THEMIS: variants seen among roughly 807,000 people sequenced by gnomAD.
THEMIS encodes protein THEMIS.
In THEMIS, 37 loss-of-function variants were observed where a neutral mutation model predicts 52.6. That is an observed-to-expected ratio of 0.70 (90% CI 0.54 to 0.93). The LOEUF is 0.93. THEMIS is among the 40% of genes least tolerant of loss of function. The pLI is 0.00. For synonymous variants in THEMIS, 292 were observed against 272.7 expected (o/e 1.07, Z -0.70); for missense variants, 808 against 763.1 (o/e 1.06, Z -0.69).
chr6:127,697,804 T>C, the THEMIS span, among the ~76,000 whole-genome samples: 9 of 152,198 alleles, frequency 5.9e-5, no homozygotes, highest in Admixed American at 4.6e-4. Flanking sequence ...CTGCCACTTC[T>C]AGAGCCCCTT....
intron 4 of THEMIS, among the ~76,000 whole-genome samples, chr6:127,741,331 T>C (rs1775195327): frequency 1.3e-5 from 2 of 152,228 alleles, no homozygotes; most frequent in South Asian, 2.1e-4. Flanking sequence ...TTGATGTCTC[T>C]TCTGATCTTG....
At chr6:127,736,851 CAAAAAAA>C (rs3057968) in intron 4 of THEMIS, among the ~76,000 whole-genome samples, 10 of 104,878 alleles carry the variant, frequency 9.5e-5, no homozygotes, top group African/African-American at 3.8e-4. Context: ...ACCAAATGAT[CAAAAAAA>C]AAAAAAAAAG....
chr6:127,755,327 C>T (rs1032266209), intron 4 of THEMIS, among the ~76,000 whole-genome samples: 4 of 152,016 alleles, frequency 2.6e-5, no homozygotes, highest in African/African-American at 9.7e-5. Context: ...GGCTTCCCAG[C>T]CTAAAGAAGC....
At chr6:127,820,880 G>A (rs572496011) in intron 3 of THEMIS, among the ~76,000 whole-genome samples, 1 of 151,748 alleles carries the variant, frequency 6.6e-6, no homozygotes, top group African/African-American at 2.4e-5. Context: ...TTTGCTTAAG[G>A]TTACCTAGAA....
chr6:127,824,174 C>T (rs1016411050), intron 3 of THEMIS, among the ~76,000 whole-genome samples: 2 of 152,144 alleles, frequency 1.3e-5, no homozygotes, highest in African/African-American at 4.8e-5. Context: ...CCACCTCTCC[C>T]TCTGCAGGAA....
At chr6:127,910,619 T>A (rs1279474778) in intron 1 of THEMIS, among the ~76,000 whole-genome samples, 1 of 152,122 alleles carries the variant, frequency 6.6e-6, no homozygotes, top group Non-Finnish European at 1.5e-5. Flanking sequence ...ACAGCAACCA[T>A]AATTTTTTAA....
intron 4 of THEMIS, among the ~76,000 whole-genome samples, chr6:127,789,610 A>G (rs1210582098): frequency 6.6e-6 from 1 of 152,154 alleles, no homozygotes; most frequent in Non-Finnish European, 1.5e-5. Context: ...GATGAACATC[A>G]ATACAAAAAT....
At chr6:127,898,289 C>T (rs894788439) in intron 1 of THEMIS, among the ~76,000 whole-genome samples, 1 of 85,416 alleles carries the variant, frequency 1.2e-5, no homozygotes, top group African/African-American at 5.6e-5. Context: ...AGAAGATGGT[C>T]TGGACACATA....
chr6:127,901,786 G>A (rs1477035679), upstream of THEMIS, among the ~76,000 whole-genome samples: 1 of 152,008 alleles, frequency 6.6e-6, no homozygotes, highest in Non-Finnish European at 1.5e-5. Context: ...ACTAAATGGA[G>A]ATGAAGTAGA....
intron 1 of THEMIS, among the ~76,000 whole-genome samples, chr6:127,866,613 T>C (rs1207695686): frequency 6.6e-6 from 1 of 152,018 alleles, no homozygotes; most frequent in African/African-American, 2.4e-5. Flanking sequence ...TTTCCGTATG[T>C]TTGAAACCAA....
chr6:127,819,655 C>T (rs1778267392), intron 3 of THEMIS, among the ~76,000 whole-genome samples: 1 of 152,068 alleles, frequency 6.6e-6, no homozygotes, highest in African/African-American at 2.4e-5. Flanking sequence ...TTGGAAAAAA[C>T]CCACCAACCT....
At chr6:127,907,632 C>G (rs915615547) in intron 1 of THEMIS, among the ~76,000 whole-genome samples, 2 of 151,584 alleles carry the variant, frequency 1.3e-5, no homozygotes, top group Non-Finnish European at 2.9e-5. Context: ...GTTGTCTCAG[C>G]TAAATCACAA....
intron 4 of THEMIS, among the ~76,000 whole-genome samples, chr6:127,771,005 T>A (rs1776366691): frequency 1.3e-5 from 2 of 152,156 alleles, no homozygotes; most frequent in Admixed American, 6.5e-5. Context: ...GATGACATGA[T>A]TGTATATTTA....
At chr6:127,828,783 C>G (rs990969584) in intron 3 of THEMIS, among the ~76,000 whole-genome samples, 11 of 152,092 alleles carry the variant, frequency 7.2e-5, no homozygotes, top group African/African-American at 2.7e-4. Context: ...GAAACCCTGT[C>G]TCTACTAAAA....
In THEMIS at chr6:127,829,732, G is replaced by A. The variant is rs202051591; in HGVS notation, c.453C>T (p.Ser151=). 6.2e-7 allele frequency: 1 copy of A among 1,614,102 alleles called. No homozygotes were observed. The highest frequency in any genetic ancestry group is 2.2e-5 in the East Asian group (1 of 44,852). Residue 151 remains serine, a synonymous_variant, in exon 3 of 6, where the codon AGC becomes AGT. Coordinates refer to ENST00000368248, the MANE Select transcript of THEMIS (RefSeq NM_001010923.3). ...TTTGATGATTCCTTGCTACTGCACAGCTCACCATTATTTCTCCATCAATCT... is the reference window on the plus strand; with the variant it reads ...TTTGATGATTCCTTGCTACTGCACAACTCACCATTATTTCTCCATCAATCT... The part of the protein sequence containing the change: ...VEEIDGEIMV[S]CAVARNHQTH...
rs905001865 is a variant in THEMIS, at chr6:127,783,456, T to C, written c.1758+29427A>G. Among the ~76,000 whole-genome samples the C allele has an allele frequency of 2.6e-5, 4 of 152,118 alleles. No homozygotes were observed. In the East Asian group the frequency reaches 7.7e-4, roughly 29 times the overall value. ...CTATCATTAGAGTGAATAGGCAACT[T>C]ACAGAATGGGAGAAAATTGTTGCAA... On this transcript the variant is annotated intron_variant, in intron 4 of 5. Transcript: ENST00000368248.
intron 3 of THEMIS, among the ~76,000 whole-genome samples, chr6:127,825,444 C>T (rs1333980458): frequency 1.3e-5 from 2 of 152,286 alleles, no homozygotes; most frequent in East Asian, 3.9e-4. Flanking sequence ...AATTTATTCT[C>T]AACCTGGAAT....
intron 1 of THEMIS, among the ~76,000 whole-genome samples, chr6:127,910,617 C>T (rs1583420047): frequency 6.6e-6 from 1 of 152,062 alleles, no homozygotes; most frequent in East Asian, 1.9e-4. Context: ...ATACAGCAAC[C>T]ATAATTTTTT....
Position 127,897,684 on chromosome 6 carries a change from G to T in THEMIS, c.91+3158C>A, listed in dbSNP as rs11965321. Among the ~76,000 whole-genome samples the T allele has an allele frequency of 5.8e-3, 879 of 151,592 alleles. 6 individuals carry two copies. The highest frequency in any genetic ancestry group is 0.02 in the African/African-American group (814 of 41,494). ...GAGTTAATTGGAACACAAATATACT[G>T]CTTGTAGGAAAGTAAATTGGGTTAC... On this transcript the variant is annotated intron_variant, in intron 1 of 5. Coordinates refer to ENST00000368248, the MANE Select transcript of THEMIS (RefSeq NM_001010923.3).
Sources: allele counts gnomAD v4.1 joint callset (sites outside exome capture counted in the v4.1 genomes callset), GRCh38; gene constraint gnomAD v4.1.1; transcripts MANE v1.5; gene names NCBI Gene and HGNC (gene_info 2026-07-23, HGNC 2026-07-21).